PRR16: variants seen among roughly 807,000 people sequenced by gnomAD.
PRR16 encodes the protein protein Largen.
A neutral mutation model predicts 18.2 loss-of-function variants in PRR16; 6 were observed. That is an observed-to-expected ratio of 0.33 (90% CI 0.18 to 0.65). The LOEUF (loss-of-function observed/expected upper bound fraction) is 0.65. Ranked by LOEUF, PRR16 falls within the 30% of genes least tolerant of loss-of-function variation. The pLI, the probability that PRR16 is intolerant of heterozygous loss-of-function variation, is 0.74. For synonymous variants in PRR16, 151 were observed against 147.8 expected (o/e 1.02, Z -0.16); for missense variants, 412 against 376.6 (o/e 1.09, Z -0.78).
At chr5:120,503,884 G>T (rs573794433) in intron 1 of PRR16, among the ~76,000 whole-genome samples, 1 of 151,302 alleles carries the variant, frequency 6.6e-6, no homozygotes, top group East Asian at 2.0e-4. Flanking sequence ...GTGAGAACAT[G>T]CAGTGTTTGG....
chr5:120,762,080 T>A, the PRR16 span, among the ~76,000 whole-genome samples: 1 of 152,178 alleles, frequency 6.6e-6, no homozygotes, highest in South Asian at 2.1e-4. Context: ...ATTCCACTGT[T>A]TATACATACC....
intron 1 of PRR16, among the ~76,000 whole-genome samples, chr5:120,538,792 T>A (rs913477508): frequency 6.6e-6 from 1 of 152,206 alleles, no homozygotes; most frequent in Non-Finnish European, 1.5e-5. Context: ...GTCATCTGAA[T>A]TACCTCACTG....
chr5:120,487,386 G>T (rs186741681), intron 1 of PRR16, among the ~76,000 whole-genome samples: 1,624 of 152,208 alleles, frequency 0.011, 13 homozygotes, highest in East Asian at 0.024. Flanking sequence ...TGGATTCCTA[G>T]GTATTTTATT....
intron 1 of PRR16, among the ~76,000 whole-genome samples, chr5:120,483,446 A>AACAT (rs34353882): frequency 0.73 from 110,040 of 150,950 alleles, 41,372 homozygotes; most frequent in East Asian, 0.99. Context: ...AGATAGGTTC[A>AACAT]ACATACATAC....
At chr5:120,547,790 T>A (rs1752119832) in intron 1 of PRR16, among the ~76,000 whole-genome samples, 1 of 151,700 alleles carries the variant, frequency 6.6e-6, no homozygotes, top group South Asian at 2.1e-4. Flanking sequence ...GATCTCTGAG[T>A]CTATATGGAT....
chr5:120,486,645 G>C (rs1331282444), intron 1 of PRR16, among the ~76,000 whole-genome samples: 4 of 152,134 alleles, frequency 2.6e-5, no homozygotes, highest in Non-Finnish European at 4.4e-5. Flanking sequence ...AAGCTCTTTA[G>C]TTTAATTAGA....
intron 1 of PRR16, among the ~76,000 whole-genome samples, chr5:120,507,338 T>C (rs1483911941): frequency 6.6e-6 from 1 of 152,160 alleles, no homozygotes; most frequent in African/African-American, 2.4e-5. Flanking sequence ...TTTGATGGAA[T>C]ATGTACATGA....
the PRR16 span, among the ~76,000 whole-genome samples, chr5:120,782,512 A>ATAAG: frequency 1.3e-5 from 2 of 152,056 alleles, no homozygotes; most frequent in Non-Finnish European, 2.9e-5. Flanking sequence ...ATTTCCCTGG[A>ATAAG]TAAGTTCCTG....
chr5:120,698,327 T>A, the PRR16 span, among the ~76,000 whole-genome samples: 21 of 151,914 alleles, frequency 1.4e-4, no homozygotes, highest in East Asian at 1.9e-3. Flanking sequence ...CTAAATGGAA[T>A]AAGAGAAGAA....
intron 1 of PRR16, among the ~76,000 whole-genome samples, chr5:120,511,384 T>C (rs941363120): frequency 1.3e-5 from 2 of 152,198 alleles, no homozygotes; most frequent in Non-Finnish European, 2.9e-5. Flanking sequence ...CTTTCATTGC[T>C]GACTCTCCTT....
the PRR16 span, among the ~76,000 whole-genome samples, chr5:120,727,512 C>A: frequency 0.2 from 30,843 of 151,990 alleles, 3,831 homozygotes; most frequent in Non-Finnish European, 0.27. Context: ...AACCTTTCAC[C>A]GACATCACCC....
At chr5:120,621,541 A>G (rs1233297584) in intron 1 of PRR16, among the ~76,000 whole-genome samples, 1 of 151,978 alleles carries the variant, frequency 6.6e-6, no homozygotes, top group Non-Finnish European at 1.5e-5. Context: ...ATCCCAACCT[A>G]AATCTCTTCA....
At chr5:120,471,823 T>G (rs1330343349) in intron 1 of PRR16, among the ~76,000 whole-genome samples, 1 of 152,066 alleles carries the variant, frequency 6.6e-6, no homozygotes, top group Non-Finnish European at 1.5e-5. Flanking sequence ...AAAGTAGCAT[T>G]AACTGAAATG....
chr5:120,734,510 A>T, the PRR16 span, among the ~76,000 whole-genome samples: 1 of 151,534 alleles, frequency 6.6e-6, no homozygotes, highest in Non-Finnish European at 1.5e-5. Flanking sequence ...AGCTGTTGCT[A>T]AACATGAAAG....
chr5:120,576,391 G>C (rs888157038), intron 1 of PRR16, among the ~76,000 whole-genome samples: 4 of 152,112 alleles, frequency 2.6e-5, no homozygotes, highest in Non-Finnish European at 5.9e-5. Flanking sequence ...AGATACATAA[G>C]TGACCAACAA....
downstream of PRR16, among the ~76,000 whole-genome samples, chr5:120,688,820 G>T (rs1443901093): frequency 2.0e-5 from 3 of 152,112 alleles, no homozygotes; most frequent in African/African-American, 7.2e-5. Flanking sequence ...ATTTCCTTGC[G>T]ATAAAGCAAG....
the PRR16 span, among the ~76,000 whole-genome samples, chr5:120,736,998 G>C: frequency 6.6e-6 from 1 of 152,178 alleles, no homozygotes; most frequent in Non-Finnish European, 1.5e-5. Flanking sequence ...GTGTGTGAGA[G>C]AGATCTTTAG....
chr5:120,510,707 AT>A (rs1299063887), intron 1 of PRR16, among the ~76,000 whole-genome samples: 1 of 152,168 alleles, frequency 6.6e-6, no homozygotes, highest in Non-Finnish European at 1.5e-5. Context: ...TGGTCTCCAG[AT>A]TGGAATATCT....
intron 1 of PRR16, among the ~76,000 whole-genome samples, chr5:120,677,905 CTTTTTTTT>C (rs386404833): frequency 4.3e-5 from 4 of 93,218 alleles, no homozygotes; most frequent in Non-Finnish European, 5.8e-5. Flanking sequence ...CTTTTTCTTT[CTTTTTTTT>C]TTTTTTTTTT....
Sources: gnomAD v4.1 joint callset for allele counts (sites outside exome capture counted in the v4.1 genomes callset) on GRCh38, gnomAD v4.1.1 for gene constraint, MANE v1.5 for transcripts, NCBI Gene and HGNC (gene_info 2026-07-23, HGNC 2026-07-21) for gene names.